Variants in SHPK observed in about 807,000 individuals in gnomAD.
SHPK encodes carbohydrate kinase-like protein.
In SHPK, 51 loss-of-function variants were observed where a neutral mutation model predicts 46.3. The ratio of observed to expected loss-of-function variants is 1.10; its 90% CI spans 0.88 to 1.39. SHPK has a LOEUF of 1.39. SHPK is among the 40% of genes most tolerant of loss of function. The pLI is 0.00. For synonymous variants in SHPK, 290 were observed against 273.9 expected (o/e 1.06, Z -0.58); for missense variants, 668 against 641.3 (o/e 1.04, Z -0.45).
At chr17:3,628,808 C>T (rs1342264301) in intron 2 of SHPK, among the ~76,000 whole-genome samples, 3 of 152,044 alleles carry the variant, frequency 2.0e-5, no homozygotes, top group Admixed American at 2.0e-4. Context: ...CGCACCACAC[C>T]CAACTTATTT....
chr17:3,624,330 G>A (rs904958018), intron 2 of SHPK, 99 bp from the exon 3 acceptor site: 19 of 1,125,940 alleles, frequency 1.7e-5, no homozygotes, highest in South Asian at 1.1e-4. Context: ...AAATATGTGC[G>A]AATCGTCCCA....
chr17:3,635,206 G>A (rs79351524), intron 1 of SHPK, among the ~76,000 whole-genome samples: 582 of 1,564 alleles, frequency 0.37, 37 homozygotes, highest in South Asian at 0.51. Context: ...AGGAAGGAAG[G>A]AAGGAAGGAA....
At chr17:3,633,591 C>A (rs2075486794) in intron 1 of SHPK, among the ~76,000 whole-genome samples, 1 of 152,014 alleles carries the variant, frequency 6.6e-6, no homozygotes, top group South Asian at 2.1e-4. Flanking sequence ...AATGACTGGC[C>A]TCCGCTAAGC....
At chr17:3,612,753 CT>C (rs34497996) in intron 6 of SHPK, among the ~76,000 whole-genome samples, 108,148 of 132,862 alleles carry the variant, frequency 0.81, 43,763 homozygotes, top group East Asian at 0.98. Context: ...ACTCAGGGAT[CT>C]TTTTTTTTTT....
chr17:3,623,987 C>T (rs222785), intron 3 of SHPK, 61 bp downstream of exon 3: 278,242 of 1,494,158 alleles, frequency 0.19, 27,621 homozygotes, highest in South Asian at 0.3. Context: ...CTGACGCAGC[C>T]CCGGCCTATT....
chr17:3,626,417 C>T (rs1388365147), intron 2 of SHPK, among the ~76,000 whole-genome samples: 1 of 151,806 alleles, frequency 6.6e-6, no homozygotes, highest in Non-Finnish European at 1.5e-5. Flanking sequence ...TGTTTGTATC[C>T]TCAATACCTC....
At position 3,610,461 on chromosome 17, in the gene SHPK, G is replaced by T; in HGVS notation, c.*99C>A. ...TCACAACAAGCACTGCTTGAAAGCTGTCCACTGAACGGTCCAGGGAAAGGA... is the reference window on the plus strand; with the variant it reads ...TCACAACAAGCACTGCTTGAAAGCTTTCCACTGAACGGTCCAGGGAAAGGA... On this transcript the variant is annotated 3_prime_UTR_variant, in exon 7 of 7. Coordinates refer to ENST00000225519, the MANE Select transcript of SHPK (RefSeq NM_013276.4). 8.0e-7 allele frequency: 1 copy of T among 1,249,928 alleles called. No homozygotes were observed. The highest frequency in any genetic ancestry group is 1.1e-6 in the Non-Finnish European group (1 of 897,228). 77.4% of individuals were successfully genotyped at this position (1,249,928 alleles called of 1,614,324 possible).
rs2075329034 is a variant in SHPK, at chr17:3,610,381, C to T, written c.*179G>A. ...TCATTTGGGATCTGGCTGACGGCTC[C>T]TGGCTGCATTATTAGAGTATGTTCT... On this transcript the variant is annotated 3_prime_UTR_variant, in exon 7 of 7. Coordinates refer to ENST00000225519, the MANE Select transcript of SHPK (RefSeq NM_013276.4). The T allele has an allele frequency of 1.5e-6, 1 of 647,422 alleles. No homozygotes were observed. Among genetic ancestry groups the T allele is most frequent in the Admixed American group, 3.0e-5 (1 of 33,882 alleles). 40.1% of individuals were successfully genotyped at this position (647,422 alleles called of 1,614,324 possible).
chr17:3,611,671 C>T (rs948727022), intron 6 of SHPK, among the ~76,000 whole-genome samples: 6 of 152,096 alleles, frequency 3.9e-5, no homozygotes, highest in Non-Finnish European at 8.8e-5. Flanking sequence ...GGGCCACCCT[C>T]GTTATGTGCA....
intron 5 of SHPK, among the ~76,000 whole-genome samples, 190 bp from the exon 6 acceptor site, chr17:3,615,727 G>A (rs538935939): frequency 1.3e-5 from 2 of 151,636 alleles, no homozygotes; most frequent in South Asian, 4.2e-4. Flanking sequence ...GTGAGAGGGG[G>A]TGGCCTGTCG....
intron 5 of SHPK, chr17:3,619,974 T>A (rs960994069): frequency 2.0e-5 from 4 of 199,614 alleles, no homozygotes; most frequent in Non-Finnish European, 3.1e-5. Flanking sequence ...AAAAGAAGAA[T>A]TTTTCATGAC....
At chr17:3,624,361 A>G (rs960563927) in intron 2 of SHPK, 130 bp from the exon 3 acceptor site, 1 of 818,976 alleles carries the variant, frequency 1.2e-6, no homozygotes, top group Admixed American at 2.7e-5. Flanking sequence ...TGGCACACCT[A>G]TGGGTCCTGA....
intron 5 of SHPK, among the ~76,000 whole-genome samples, chr17:3,618,101 CTCTT>C (rs1269698527): frequency 6.6e-6 from 1 of 152,218 alleles, no homozygotes; most frequent in South Asian, 2.1e-4. Flanking sequence ...TTCAAATAAA[CTCTT>C]TGTTTGTTTG....
At chr17:3,622,813 T>C (rs2075410940) in intron 4 of SHPK, among the ~76,000 whole-genome samples, 1 of 151,634 alleles carries the variant, frequency 6.6e-6, no homozygotes, top group East Asian at 1.9e-4. Flanking sequence ...CAAGTGATTC[T>C]CCTGCCTCAG....
At chr17:3,630,118 G>T in intron 2 of SHPK, 87 bp downstream of exon 2, 1 of 1,541,618 alleles carries the variant, frequency 6.5e-7, no homozygotes, top group Non-Finnish European at 8.9e-7. Context: ...AGGATAACCC[G>T]ACCCTTCACA....
chr17:3,619,783 C>T lies in SHPK; in HGVS notation c.823+1454G>A, dbSNP rs1228514260. 6.8e-6 allele frequency: 3 copies of T among 443,564 alleles called. No individual in the cohort carries two copies. The East Asian group carries it at 2.0e-4, about 30-fold the overall frequency. The allele number at this position is 443,564 out of a possible 1,614,324, so 27.5% of individuals were successfully genotyped here. On this transcript the variant is annotated intron_variant, in intron 5 of 6. Coordinates refer to ENST00000225519, the MANE Select transcript of SHPK (RefSeq NM_013276.4). The stretch of plus-strand genomic sequence containing the variant: ...AGAATGATTTGTAGATGGCATCTCT[C>T]TCTCACTTAATTCTGACCATCCTGC...
Position 3,615,358 on chromosome 17 carries a change from C to T in SHPK, c.1003G>A (p.Val335Ile), listed in dbSNP as rs749236574. Reference protein sequence around the residue: ...NVLATFVHMLVQWMADLGLEV... With the variant: ...NVLATFVHMLIQWMADLGLEV... Reference sequence around the variant, plus strand: ...TTACCTAGATCTGCCATCCACTGAACCAGCATGTGGACGAACGTGGCCAGC... The same window carrying T: ...TTACCTAGATCTGCCATCCACTGAATCAGCATGTGGACGAACGTGGCCAGC... The change falls in exon 6 of 7, where the codon GTT (valine) becomes ATT (isoleucine). Residue 335 changes from valine to isoleucine, a missense_variant. Physicochemically the swap from Val to Ile is conservative, Grantham distance 29 (BLOSUM62 3). Transcript: ENST00000225519. 6.2e-7 allele frequency: 1 copy of T among 1,614,150 alleles called. No homozygotes were observed. The highest frequency in any genetic ancestry group is 1.1e-5 in the South Asian group (1 of 91,084).
intron 1 of SHPK, among the ~76,000 whole-genome samples, chr17:3,634,571 C>CAAAAAA (rs11311796): frequency 2.2e-5 from 2 of 89,760 alleles, no homozygotes; most frequent in Admixed American, 1.2e-4. Flanking sequence ...GACCCTGTCT[C>CAAAAAA]AAAAAAAAAA....
rs758042476 is a variant in SHPK at position 3,630,237 on chromosome 17, A to G, written c.278T>C (p.Met93Thr). The G allele has an allele frequency of 6.2e-7, 1 of 1,613,786 alleles. No individual in the cohort carries two copies. Among genetic ancestry groups the G allele is most frequent in the Non-Finnish European group, 8.5e-7 (1 of 1,179,970 alleles). Reference protein sequence around the residue: ...SVVGIGVSGQMHGVVFWKTGQ... With the variant: ...SVVGIGVSGQTHGVVFWKTGQ... ...TGTTTTCCAAAACACGACTCCATGC[A>G]TCTGGCCCGACACCCCGATGCCCAC... The change falls in exon 2 of 7, where the codon ATG becomes ACG. Residue 93 changes from methionine to threonine, a missense_variant. Coordinates refer to ENST00000225519, the MANE Select transcript of SHPK (RefSeq NM_013276.4).
Sources: gnomAD v4.1 joint callset for allele counts (sites outside exome capture counted in the v4.1 genomes callset) on GRCh38, gnomAD v4.1.1 for gene constraint, MANE v1.5 for transcripts, NCBI Gene and HGNC (gene_info 2026-07-23, HGNC 2026-07-21) for gene names.